ASPHD1: variants seen among roughly 807,000 people sequenced by gnomAD.
ASPHD1 encodes aspartate beta-hydroxylase domain-containing protein 1.
A neutral mutation model predicts 28.3 loss-of-function variants in ASPHD1; 20 were observed. The observed-to-expected ratio is 0.71, with a 90% confidence interval of 0.50 to 1.03. The LOEUF (loss-of-function observed/expected upper bound fraction) is 1.03, where lower values mean the gene tolerates loss of function less well. Ranked by LOEUF, ASPHD1 falls within the 50% of genes least tolerant of loss-of-function variation. The probability of loss-of-function intolerance (pLI) is 0.00; values close to 1 mark genes in which losing one functional copy is unlikely to be tolerated. For synonymous variants in ASPHD1, 240 were observed against 221.2 expected (o/e 1.08, Z -0.75); for missense variants, 479 against 524.1 (o/e 0.91, Z 0.84).
At chr16:29,903,269 T>C (rs1230745380) in intron 1 of ASPHD1, among the ~76,000 whole-genome samples, 1 of 151,880 alleles carries the variant, frequency 6.6e-6, no homozygotes, top group Non-Finnish European at 1.5e-5. Flanking sequence ...GGCAGGAGAA[T>C]CACTTGAACT....
chr16:29,918,608 C>T (rs1194722313), intron 3 of ASPHD1, among the ~76,000 whole-genome samples: 3 of 151,210 alleles, frequency 2.0e-5, no homozygotes, highest in African/African-American at 4.9e-5. Context: ...GTAACTGGGA[C>T]TACAGGCACC....
At position 29,911,799 on chromosome 16, in the gene ASPHD1, G is replaced by A. The variant is rs200446337; in HGVS notation, c.*62+5840G>A. Reference sequence around the variant, plus strand: ...ATCCCAGGGTCCCGCCCAGTGCCCCGCACCCCGGCGGTCACCTGGTGTAGG... The same window carrying A: ...ATCCCAGGGTCCCGCCCAGTGCCCCACACCCCGGCGGTCACCTGGTGTAGG... On this transcript the variant is annotated intron_variant and NMD_transcript_variant, in intron 3 of 3. Transcript: ENST00000414952. The A allele has an allele frequency of 1.4e-4, 227 of 1,611,922 alleles. No homozygotes were observed. The African/African-American group carries it at 2.4e-3, about 17-fold the overall frequency.
At chr16:29,918,942 G>A (rs1476394595) in intron 3 of ASPHD1, among the ~76,000 whole-genome samples, 1 of 152,154 alleles carries the variant, frequency 6.6e-6, no homozygotes, top group African/African-American at 2.4e-5. Flanking sequence ...ACAGGCATGA[G>A]CCACCGCACC....
chr16:29,918,947 C>T (rs1042625438), intron 3 of ASPHD1, among the ~76,000 whole-genome samples: 6 of 152,120 alleles, frequency 3.9e-5, no homozygotes, highest in African/African-American at 7.2e-5. Context: ...CATGAGCCAC[C>T]GCACCTGGCA....
At chr16:29,904,769 T>G in intron 1 of ASPHD1, 83 bp from the exon 2 acceptor site, 3 of 826,312 alleles carry the variant, frequency 3.6e-6, no homozygotes, top group Non-Finnish European at 3.9e-6. Flanking sequence ...TTAAGACACT[T>G]AGAGCTAGTT....
chr16:29,910,620 G>C (rs1241901533), downstream of ASPHD1, among the ~76,000 whole-genome samples: 2 of 152,064 alleles, frequency 1.3e-5, no homozygotes, highest in Non-Finnish European at 2.9e-5. Context: ...TGGCCTCCCA[G>C]AGTCCTGGGG....
At chr16:29,906,764 A>T (rs1022304792), downstream of ASPHD1, 2 of 887,426 alleles carry the variant, frequency 2.3e-6, no homozygotes, top group East Asian at 5.3e-5. Flanking sequence ...GGGACAGAGG[A>T]GGACCCACGA....
chr16:29,901,522 T>C lies in ASPHD1; in HGVS notation c.551T>C (p.Ile184Thr). The stretch of plus-strand genomic sequence containing the variant: ...GGGAGAGGGCCAGGGGTCCTAGGTA[T>C]TCAGCGCCCAGGCCTGCTTTTCCTA... ...GPGRGPGVLG[I>T]QRPGLLFLPD... Residue 184 changes from isoleucine (I) to threonine (T), a missense_variant, in exon 1 of 3, where the codon ATT becomes ACT. Transcript: ENST00000308748. The surrounding 1 kb of genome is among the most constrained non-coding windows in gnomAD (Gnocchi z 5.1). The C allele has an allele frequency of 6.3e-7, 1 of 1,586,444 alleles. No individual in the cohort carries two copies.
At position 29,900,720 on chromosome 16, in the gene ASPHD1, C is replaced by A; in HGVS notation, c.-252C>A. On this transcript the variant is annotated 5_prime_UTR_variant, in exon 1 of 3. Coordinates refer to ENST00000308748, the MANE Select transcript of ASPHD1 (RefSeq NM_181718.4). The stretch of plus-strand genomic sequence containing the variant: ...CGGAGGAAGACAGGCTGCGGGTTCC[C>A]GGGACTGCAGGTCCAGGCAGGGTAG... 1.8e-6 allele frequency: 1 copy of A among 562,718 alleles called. No homozygotes were observed. Among genetic ancestry groups the A allele is most frequent in the Non-Finnish European group, 3.1e-6 (1 of 319,090 alleles). 34.9% of individuals were successfully genotyped at this position (562,718 alleles called of 1,614,324 possible). A position where few individuals can be genotyped will look rare whatever the true frequency, so the allele number is the denominator to read the frequency against.
At position 29,901,525 on chromosome 16, in the gene ASPHD1, A is replaced by G; in HGVS notation, c.554A>G (p.Gln185Arg). ...AGAGGGCCAGGGGTCCTAGGTATTC[A>G]GCGCCCAGGCCTGCTTTTCCTACCA... is the stretch of plus-strand genomic sequence containing the variant. ...PGRGPGVLGI[Q>R]RPGLLFLPDL... Residue 185 changes from glutamine to arginine, a missense_variant, in exon 1 of 3, where the codon CAG becomes CGG. By Grantham distance (43) the Gln-to-Arg change is conservative (BLOSUM62 1). Coordinates refer to ENST00000308748, the MANE Select transcript of ASPHD1 (RefSeq NM_181718.4). The surrounding 1 kb of genome is among the most constrained non-coding windows in gnomAD (Gnocchi z 5.1). The G allele has an allele frequency of 6.3e-7, 1 of 1,582,992 alleles. No homozygotes were observed. The highest frequency in any genetic ancestry group is 8.5e-7 in the Non-Finnish European group (1 of 1,170,068).
Position 29,901,970 on chromosome 16 carries a change from C to T in ASPHD1, c.949+50C>T, listed in dbSNP as rs1168712403. 5 of 1,368,812 alleles carry T rather than the reference C, an allele frequency of 3.7e-6. No homozygotes were observed. In the East Asian group the frequency reaches 1.4e-4, roughly 38 times the overall value. The allele number at this position is 1,368,812 out of a possible 1,614,324, so 84.8% of individuals were successfully genotyped here. A position where few individuals can be genotyped will look rare whatever the true frequency, so the allele number is the denominator to read the frequency against. On this transcript the variant is annotated intron_variant, in intron 1 of 2. Coordinates refer to ENST00000308748, the MANE Select transcript of ASPHD1 (RefSeq NM_181718.4). This position sits in a 1 kb window ranked among gnomAD's most constrained non-coding sequence, Gnocchi z 5.1. ...ACCTCCTTGCCTCGATGATTTCCCCCCCAGACCCTTCTCTCCGCCAGAGCC... is the reference window on the plus strand; with the variant it reads ...ACCTCCTTGCCTCGATGATTTCCCCTCCAGACCCTTCTCTCCGCCAGAGCC...
chr16:29,906,814 G>A, downstream of ASPHD1: 2 of 1,480,406 alleles, frequency 1.4e-6, no homozygotes, highest in Non-Finnish European at 1.9e-6. Context: ...GGGAAGGGGA[G>A]GGAAAGAGAG....
intron 1 of ASPHD1, among the ~76,000 whole-genome samples, chr16:29,902,430 C>T (rs185140470): frequency 6.6e-6 from 1 of 152,198 alleles, no homozygotes; most frequent in Non-Finnish European, 1.5e-5. Flanking sequence ...CTCATAAACA[C>T]AAGCTGAAAT....
At chr16:29,905,078 T>A (rs1261315321) in intron 2 of ASPHD1, 113 bp downstream of exon 2, 3 of 720,442 alleles carry the variant, frequency 4.2e-6, no homozygotes, top group Non-Finnish European at 7.0e-6. Context: ...ACCACCATCT[T>A]CCAGCTGCAT....
intron 1 of ASPHD1, among the ~76,000 whole-genome samples, chr16:29,903,186 C>A (rs1465103792): frequency 1.3e-5 from 2 of 151,654 alleles, no homozygotes; most frequent in African/African-American, 4.8e-5. Flanking sequence ...GAAATCCTGT[C>A]TCTACTAAAA....
downstream of ASPHD1, chr16:29,907,081 C>T: frequency 6.2e-7 from 1 of 1,610,718 alleles, no homozygotes; most frequent in Non-Finnish European, 8.5e-7. Context: ...AGGGTCTCCT[C>T]GAAGATCCGG....
rs986459808 is a variant in ASPHD1 at position 29,905,995 on chromosome 16, G to T, written c.*98G>T. ...CCTCCTCTCTACTGCGGGGGTGGGC[G>T]GGGGCGGAGGATGGGAACTGGCTAG... On this transcript the variant is annotated 3_prime_UTR_variant, in exon 3 of 3. Coordinates refer to ENST00000308748, the MANE Select transcript of ASPHD1 (RefSeq NM_181718.4). 2 of 705,378 alleles carry T rather than the reference G, an allele frequency of 2.8e-6. No homozygotes were observed. The highest frequency in any genetic ancestry group is 2.3e-6 in the Non-Finnish European group (1 of 429,282). 43.7% of individuals were successfully genotyped at this position (705,378 alleles called of 1,614,324 possible).
rs571529142 is a variant in ASPHD1, at chr16:29,915,647, TG to T, written c.*63-3883del. On this transcript the variant is annotated intron_variant and NMD_transcript_variant, in intron 3 of 3. Transcript: ENST00000414952. Reference sequence around the variant, plus strand: ...AAAGAAAAAGAAAAAAGAAAATCTCTGCAAGGTAAGCCCTTCTCTACTTTGG... The same window carrying T: ...AAAGAAAAAGAAAAAAGAAAATCTCTCAAGGTAAGCCCTTCTCTACTTTGG... Among the ~76,000 whole-genome samples, 17 of 151,966 alleles carry T rather than the reference TG, an allele frequency of 1.1e-4. 1 individual carries two copies. The South Asian group carries it at 3.5e-3, about 32-fold the overall frequency.
intron 1 of ASPHD1, among the ~76,000 whole-genome samples, chr16:29,903,322 C>G (rs2068571569): frequency 6.6e-6 from 1 of 151,964 alleles, no homozygotes; most frequent in Admixed American, 6.6e-5. Context: ...CAACATTGCA[C>G]TCCAGCCTGG....
Sources: gnomAD v4.1 joint callset for allele counts (sites outside exome capture counted in the v4.1 genomes callset) on GRCh38, gnomAD v4.1.1 for gene constraint, Gnocchi (gnomAD v3.1) non-coding constraint, MANE v1.5 for transcripts, NCBI Gene and HGNC (gene_info 2026-07-23, HGNC 2026-07-21) for gene names.